Variants in EVI5 observed in about 807,000 individuals in gnomAD.
The protein encoded by EVI5 is ecotropic viral integration site 5.
Under a neutral mutation model 112.0 loss-of-function variants are expected in EVI5, and 73 were observed. The observed-to-expected ratio is 0.65, with a 90% CI of 0.54 to 0.79. The LOEUF is 0.79. Ranked by LOEUF, EVI5 falls within the 30% of genes least tolerant of loss-of-function variation. The pLI, the probability that EVI5 is intolerant of heterozygous loss-of-function variation, is 0.00. For missense variants in EVI5, 900 were observed against 968.8 expected (o/e 0.93, Z 0.94); for synonymous variants, 305 against 319.9 (o/e 0.95, Z 0.50).
chr1:92,679,656 T>C (rs1196224397), intron 9 of EVI5, among the ~76,000 whole-genome samples: 2 of 152,232 alleles, frequency 1.3e-5, no homozygotes, highest in Admixed American at 1.3e-4. Flanking sequence ...TTATAATTAA[T>C]GAACCAATAT....
intron 16 of EVI5, among the ~76,000 whole-genome samples, chr1:92,623,610 G>T (rs1655031994): frequency 6.6e-6 from 1 of 152,142 alleles, no homozygotes; most frequent in Non-Finnish European, 1.5e-5. Context: ...CACTGCCCAG[G>T]GTCACCACAT....
intron 13 of EVI5, among the ~76,000 whole-genome samples, chr1:92,660,794 G>A (rs536865765): frequency 1.3e-5 from 2 of 152,086 alleles, no homozygotes; most frequent in East Asian, 3.9e-4. Flanking sequence ...AAAGCACACA[G>A]GTTGCTGGGG....
upstream of EVI5, among the ~76,000 whole-genome samples, chr1:92,785,438 T>C (rs4847217): frequency 0.93 from 141,214 of 152,304 alleles, 65,569 homozygotes; most frequent in South Asian, 0.97. Flanking sequence ...AGCCTGACTT[T>C]CAGGGCCCTG....
At chr1:92,517,412 G>T (rs539202608) in intron 19 of EVI5, among the ~76,000 whole-genome samples, 73 of 152,308 alleles carry the variant, frequency 4.8e-4, no homozygotes, top group Middle Eastern at 3.4e-3. Context: ...ATCCCCCATA[G>T]ATACCAAGGG....
intron 19 of EVI5, among the ~76,000 whole-genome samples, chr1:92,546,561 T>G (rs931721797): frequency 6.6e-6 from 1 of 152,036 alleles, no homozygotes; most frequent in Non-Finnish European, 1.5e-5. Flanking sequence ...CCGGGCATGG[T>G]GGCACACGCA....
chr1:92,684,729 C>CA (rs981038887), intron 9 of EVI5, among the ~76,000 whole-genome samples: 332 of 140,106 alleles, frequency 2.4e-3, no homozygotes, highest in Middle Eastern at 0.014. Flanking sequence ...AATTGGAAAG[C>CA]AAAAAAAAAA....
chr1:92,757,327 G>A (rs1002560824), intron 1 of EVI5, among the ~76,000 whole-genome samples: 4 of 152,112 alleles, frequency 2.6e-5, no homozygotes, highest in Non-Finnish European at 4.4e-5. Flanking sequence ...TGGCTTATAA[G>A]TCAAAAACAA....
intron 9 of EVI5, among the ~76,000 whole-genome samples, chr1:92,689,082 T>C (rs1027369654): frequency 2.6e-5 from 4 of 152,034 alleles, no homozygotes; most frequent in Non-Finnish European, 4.4e-5. Context: ...CCAATAAACA[T>C]ATGAAAAGAT....
At chr1:92,630,181 C>T (rs931613018) in intron 14 of EVI5, among the ~76,000 whole-genome samples, 1 of 152,026 alleles carries the variant, frequency 6.6e-6, no homozygotes, top group African/African-American at 2.4e-5. Context: ...GGGTATATAC[C>T]CAGTAATGGG....
chr1:92,690,240 A>G (rs892758060), intron 9 of EVI5, among the ~76,000 whole-genome samples: 1 of 152,168 alleles, frequency 6.6e-6, no homozygotes, highest in African/African-American at 2.4e-5. Flanking sequence ...TAAAGAAGAA[A>G]AGGTTATGAA....
At chr1:92,621,687 T>TG (rs1654630161) in intron 16 of EVI5, among the ~76,000 whole-genome samples, 2 of 152,218 alleles carry the variant, frequency 1.3e-5, no homozygotes, top group Admixed American at 6.5e-5. Flanking sequence ...ATATATTCAG[T>TG]GGTTTTTAGC....
intron 18 of EVI5, among the ~76,000 whole-genome samples, chr1:92,598,072 C>G (rs1030969017): frequency 6.6e-6 from 1 of 152,002 alleles, no homozygotes. Context: ...AACAGAGGCT[C>G]GTTCTGTCAC....
At position 92,608,019 on chromosome 1, in the gene EVI5, C is replaced by A. The variant is rs978426379; in HGVS notation, c.1828-292G>T. Among the ~76,000 whole-genome samples the A allele has an allele frequency of 2.6e-5, 4 of 151,528 alleles. No individual in the cohort carries two copies. In the East Asian group the frequency reaches 7.8e-4, roughly 30 times the overall value. On this transcript the variant is annotated intron_variant, in intron 16 of 19. Transcript: ENST00000684568. ...AAAAAAAATTAGCCAGGCATGGTGG[C>A]GGGCACCTGTAGTCCCAGGTACTCG...
chr1:92,790,020 A>T (rs1685970896), upstream of EVI5, among the ~76,000 whole-genome samples: 1 of 152,104 alleles, frequency 6.6e-6, no homozygotes, highest in African/African-American at 2.4e-5. Context: ...TTACATTTAA[A>T]CTTAAATTAA....
intron 2 of EVI5, among the ~76,000 whole-genome samples, chr1:92,719,969 G>T (rs1365168569): frequency 1.3e-5 from 2 of 152,022 alleles, no homozygotes; most frequent in East Asian, 3.9e-4. Flanking sequence ...AATTTACAAG[G>T]GATGTGAAGG....
intron 18 of EVI5, among the ~76,000 whole-genome samples, chr1:92,573,548 G>T (rs775578232): frequency 6.6e-6 from 1 of 151,808 alleles, no homozygotes; most frequent in Non-Finnish European, 1.5e-5. Context: ...CATGACCAAG[G>T]CTCACACACT....
intron 19 of EVI5, among the ~76,000 whole-genome samples, chr1:92,537,193 T>C (rs1320695154): frequency 6.6e-6 from 1 of 151,980 alleles, no homozygotes; most frequent in African/African-American, 2.4e-5. Flanking sequence ...CTAGACAGGG[T>C]TTAAACCATT....
chr1:92,565,909 G>C (rs1284027879), intron 18 of EVI5, among the ~76,000 whole-genome samples: 1 of 133,174 alleles, frequency 7.5e-6, no homozygotes, highest in Non-Finnish European at 1.5e-5. Flanking sequence ...GGCGCAGGTT[G>C]CAGTGAGCTG....
At chr1:92,770,530 C>T (rs1469149231) in intron 1 of EVI5, among the ~76,000 whole-genome samples, 1 of 152,146 alleles carries the variant, frequency 6.6e-6, no homozygotes, top group African/African-American at 2.4e-5. Flanking sequence ...GTGGCTCACG[C>T]CTGTAATCCC....
Sources: allele counts gnomAD v4.1 joint callset (sites outside exome capture counted in the v4.1 genomes callset), GRCh38; gene constraint gnomAD v4.1.1; transcripts MANE v1.5; gene names NCBI Gene and HGNC (gene_info 2026-07-23, HGNC 2026-07-21).